Variants in CSMD3 observed in about 807,000 individuals in gnomAD.
CSMD3 encodes CUB and Sushi multiple domains 3, also known as CUB and sushi domain-containing protein 3.
Under a neutral mutation model 435.2 loss-of-function variants are expected in CSMD3, and 177 were observed. The ratio of observed to expected loss-of-function variants is 0.41; its 90% CI spans 0.36 to 0.46. The LOEUF (loss-of-function observed/expected upper bound fraction) is 0.46. CSMD3 is among the 20% of genes least tolerant of loss of function. The probability of loss-of-function intolerance (pLI) is 0.34; values close to 1 mark genes in which losing one functional copy is unlikely to be tolerated. For missense variants in CSMD3, 4,265 were observed against 4,504.6 expected, an observed-to-expected ratio of 0.95 and a Z score of 1.52; for synonymous variants, 1,656 against 1,520.5, an observed-to-expected ratio of 1.09 and a Z score of -2.07.
intron 32 of CSMD3, among the ~76,000 whole-genome samples, chr8:112,421,920 C>T (rs1812557331): frequency 6.6e-6 from 1 of 151,786 alleles, no homozygotes; most frequent in Non-Finnish European, 1.5e-5. Context: ...TCACAAAGAC[C>T]TTTGAGGTAG....
chr8:112,683,721 CTT>C (rs984245817), intron 15 of CSMD3, among the ~76,000 whole-genome samples: 2 of 151,778 alleles, frequency 1.3e-5, no homozygotes, highest in Admixed American at 1.3e-4. Context: ...ATGCTTATAA[CTT>C]ATTATTATAT....
chr8:112,655,803 G>T (rs2075242629), intron 18 of CSMD3, among the ~76,000 whole-genome samples: 1 of 151,974 alleles, frequency 6.6e-6, no homozygotes, highest in Non-Finnish European at 1.5e-5. Context: ...TGAAGTAAAT[G>T]CTAAAAATGT....
chr8:112,274,978 A>T (rs1308578246), intron 59 of CSMD3, among the ~76,000 whole-genome samples: 1 of 149,398 alleles, frequency 6.7e-6, no homozygotes, highest in Non-Finnish European at 1.5e-5. Flanking sequence ...GTTTGACTAC[A>T]AGAGCATTTG....
chr8:112,956,464 T>C (rs1438094019), intron 7 of CSMD3, among the ~76,000 whole-genome samples: 1 of 152,124 alleles, frequency 6.6e-6, no homozygotes, highest in African/African-American at 2.4e-5. Flanking sequence ...GATTTTTCCA[T>C]TGGAAACATG....
At chr8:113,418,068 A>G (rs992223893) in intron 1 of CSMD3, among the ~76,000 whole-genome samples, 3 of 152,146 alleles carry the variant, frequency 2.0e-5, no homozygotes, top group Non-Finnish European at 4.4e-5. Context: ...TACCCCTAGA[A>G]TGCACTACAT....
chr8:112,956,089 G>GA (rs2084007172), intron 7 of CSMD3, among the ~76,000 whole-genome samples: 1 of 151,902 alleles, frequency 6.6e-6, no homozygotes, highest in African/African-American at 2.4e-5. Flanking sequence ...ATTATCGTTG[G>GA]AGCAGGATTT....
chr8:112,361,384 G>A (rs1456157531), intron 38 of CSMD3, among the ~76,000 whole-genome samples: 1 of 151,354 alleles, frequency 6.6e-6, no homozygotes, highest in Non-Finnish European at 1.5e-5. Flanking sequence ...TACCCTGGCT[G>A]AAAATATTAA....
At chr8:112,456,435 C>A (rs2130641968) in intron 32 of CSMD3, among the ~76,000 whole-genome samples, 1 of 151,980 alleles carries the variant, frequency 6.6e-6, no homozygotes, top group African/African-American at 2.4e-5. Context: ...ATAAATAGTT[C>A]TATGAAATAC....
At chr8:113,135,272 G>A (rs2091388440) in intron 4 of CSMD3, among the ~76,000 whole-genome samples, 1 of 151,650 alleles carries the variant, frequency 6.6e-6, no homozygotes, top group South Asian at 2.1e-4. Flanking sequence ...GATAAATTAG[G>A]AATAATAAAA....
intron 13 of CSMD3, among the ~76,000 whole-genome samples, chr8:112,755,332 A>AATAATAATG (rs1449054640): frequency 0.02 from 331 of 16,290 alleles, 2 homozygotes; most frequent in African/African-American, 0.082. Context: ...CTCCGTCTCA[A>AATAATAATG]ATAATAATAA....
At chr8:112,476,644 A>G (rs1041530310) in intron 31 of CSMD3, among the ~76,000 whole-genome samples, 3 of 152,170 alleles carry the variant, frequency 2.0e-5, no homozygotes, top group Non-Finnish European at 4.4e-5. Flanking sequence ...AATTAATTGT[A>G]ATTTTGCTGT....
At chr8:112,484,702 G>A (rs941575950) in intron 31 of CSMD3, among the ~76,000 whole-genome samples, 1 of 152,012 alleles carries the variant, frequency 6.6e-6, no homozygotes, top group South Asian at 2.1e-4. Context: ...TAAAATGCAG[G>A]TTGAGCATCC....
chr8:113,193,422 C>A (rs1226702809), intron 3 of CSMD3, among the ~76,000 whole-genome samples: 1 of 151,290 alleles, frequency 6.6e-6, no homozygotes, highest in Non-Finnish European at 1.5e-5. Context: ...CATTAGACTT[C>A]CAGGAATTCT....
chr8:112,319,429 T>C (rs943648965), intron 46 of CSMD3, among the ~76,000 whole-genome samples: 1 of 152,148 alleles, frequency 6.6e-6, no homozygotes, highest in African/African-American at 2.4e-5. Flanking sequence ...TGGCATTATT[T>C]GGGTTGAATT....
chr8:113,243,726 T>A (rs1410539453), intron 3 of CSMD3, among the ~76,000 whole-genome samples: 13 of 152,122 alleles, frequency 8.5e-5, no homozygotes, highest in Admixed American at 8.5e-4. Context: ...TACATATCCA[T>A]AAGCAATGCA....
intron 5 of CSMD3, among the ~76,000 whole-genome samples, chr8:113,028,106 A>T (rs1038657403): frequency 6.6e-6 from 1 of 152,104 alleles, no homozygotes. Flanking sequence ...TTCCAATAAC[A>T]TATTGTCACT....
At chr8:112,582,802 G>A (rs918612945) in intron 23 of CSMD3, among the ~76,000 whole-genome samples, 37 of 151,894 alleles carry the variant, frequency 2.4e-4, no homozygotes, top group Non-Finnish European at 7.4e-5. Context: ...GGCAGAGTTC[G>A]TAAATGGAAT....
At chr8:113,287,369 T>C (rs2093654547) in intron 2 of CSMD3, among the ~76,000 whole-genome samples, 1 of 152,054 alleles carries the variant, frequency 6.6e-6, no homozygotes, top group Non-Finnish European at 1.5e-5. Flanking sequence ...AGGAACAAGC[T>C]GATATTTAAA....
intron 13 of CSMD3, 107 bp downstream of exon 13, chr8:112,800,055 A>G: frequency 1.4e-6 from 1 of 736,138 alleles, no homozygotes. Flanking sequence ...GAAATGTAGC[A>G]TGTGTTCTGC....
Sources: gnomAD v4.1 joint callset for allele counts (sites outside exome capture counted in the v4.1 genomes callset) on GRCh38, gnomAD v4.1.1 for gene constraint, MANE v1.5 for transcripts, NCBI Gene and HGNC (gene_info 2026-07-23, HGNC 2026-07-21) for gene names.